Variants in ADGRB3 observed in about 807,000 individuals in gnomAD.
ADGRB3 encodes adhesion G protein-coupled receptor B3, also known as brain-specific angiogenesis inhibitor 3.
Under a neutral mutation model 193.4 loss-of-function variants are expected in ADGRB3, and 37 were observed. That is an observed-to-expected ratio of 0.19 (90% CI 0.15 to 0.25). The LOEUF is 0.25. Ranked by LOEUF, ADGRB3 falls within the 10% of genes least tolerant of loss-of-function variation. ADGRB3 has a pLI of 1.00. For missense variants in ADGRB3, 1,637 were observed against 1,852.9 expected, an observed-to-expected ratio of 0.88 and a Z score of 2.14; for synonymous variants, 690 against 644.2, an observed-to-expected ratio of 1.07 and a Z score of -1.08.
chr6:69,360,921 T>G lies in ADGRB3; in HGVS notation c.3648T>G (p.Leu1216=). The G allele has an allele frequency of 6.2e-7, 1 of 1,612,222 alleles. No homozygotes were observed. Among genetic ancestry groups the G allele is most frequent in the Non-Finnish European group, 8.5e-7 (1 of 1,178,836 alleles). ...PCRAATITGT[L]SRISLNDDEE... ...GAGCAGCCACAATAACAGGAACACT[T>G]TCTAGGATTTCTCTAAATGATGATG... is the stretch of plus-strand genomic sequence containing the variant. Residue 1216 remains leucine (L), a synonymous_variant, in exon 29 of 32, where the codon CTT becomes CTG. Transcript: ENST00000370598.
intron 3 of ADGRB3, among the ~76,000 whole-genome samples, chr6:68,683,095 T>C (rs1764925016): frequency 6.6e-6 from 1 of 152,044 alleles, no homozygotes; most frequent in Non-Finnish European, 1.5e-5. Flanking sequence ...AATTCAGTGT[T>C]TTCTTAAAAA....
rs569070969 is a variant in ADGRB3 at position 68,931,267 on chromosome 6, G to A, written c.868+598G>A. On this transcript the variant is annotated intron_variant, in intron 4 of 31. Transcript: ENST00000370598. ...AAACTGACTTTCTACTTTATAAAAT[G>A]TTTAATTCTAAATTAATTAGATTAC... Among the ~76,000 whole-genome samples, 441 of 151,924 alleles carry A rather than the reference G, an allele frequency of 2.9e-3. 1 individual carries two copies. Among genetic ancestry groups the A allele is most frequent in the Middle Eastern group, 7.2e-3 (2 of 276 alleles).
At chr6:69,102,806 C>T (rs900658812) in intron 17 of ADGRB3, among the ~76,000 whole-genome samples, 6 of 152,124 alleles carry the variant, frequency 3.9e-5, no homozygotes, top group Admixed American at 6.5e-5. Flanking sequence ...AAGTCACAAC[C>T]TTTTTTTGAT....
chr6:69,275,417 CTG>C (rs1418183154), intron 20 of ADGRB3, among the ~76,000 whole-genome samples: 2 of 151,986 alleles, frequency 1.3e-5, no homozygotes, highest in Non-Finnish European at 2.9e-5. Flanking sequence ...GTATTAGCAA[CTG>C]TGATTCCTCA....
At chr6:68,848,274 C>A (rs1768322992) in intron 3 of ADGRB3, among the ~76,000 whole-genome samples, 1 of 152,006 alleles carries the variant, frequency 6.6e-6, no homozygotes, top group South Asian at 2.1e-4. Flanking sequence ...TTTTATCTTG[C>A]ACTCTGGTAA....
chr6:69,156,563 A>G (rs977168025), intron 17 of ADGRB3, among the ~76,000 whole-genome samples: 1 of 152,180 alleles, frequency 6.6e-6, no homozygotes, highest in Non-Finnish European at 1.5e-5. Context: ...TCTTTAGGCC[A>G]TAGTAAGGAG....
rs529813794 is a variant in ADGRB3, at chr6:69,171,774, A to G, written c.2481-61516A>G. On this transcript the variant is annotated intron_variant, in intron 17 of 31. Transcript: ENST00000370598. ...TACAGAGTCAAAAAAAAAGCCCTTT[A>G]TTACTCCAATAAACTACAGAATCTA... 3.3e-5 allele frequency among the ~76,000 whole-genome samples: 5 copies of G among 152,294 alleles called. No homozygotes were observed. In the South Asian group the frequency reaches 1.0e-3, roughly 32 times the overall value.
At chr6:69,285,915 TA>T (rs1001574553) in intron 20 of ADGRB3, among the ~76,000 whole-genome samples, 1 of 151,952 alleles carries the variant, frequency 6.6e-6, no homozygotes, top group African/African-American at 2.4e-5. Flanking sequence ...TACCTGGCTT[TA>T]GGTAAAACAA....
At chr6:69,179,194 T>G (rs180699870) in intron 17 of ADGRB3, among the ~76,000 whole-genome samples, 1 of 152,342 alleles carries the variant, frequency 6.6e-6, no homozygotes, top group East Asian at 1.9e-4. Context: ...AAAAAAATTA[T>G]TTTCTCTATT....
chr6:68,815,428 TCAAA>T (rs1767611831), intron 3 of ADGRB3, among the ~76,000 whole-genome samples: 1 of 152,124 alleles, frequency 6.6e-6, no homozygotes, highest in Admixed American at 6.6e-5. Flanking sequence ...ATGAAAGAAG[TCAAA>T]CAGTCTTTTG....
At chr6:69,301,400 C>G (rs1460686176) in intron 20 of ADGRB3, among the ~76,000 whole-genome samples, 1 of 151,864 alleles carries the variant, frequency 6.6e-6, no homozygotes, top group African/African-American at 2.4e-5. Flanking sequence ...GTTGCTGTTG[C>G]AGTGAGCTCA....
At chr6:69,146,343 G>A (rs949716997) in intron 17 of ADGRB3, among the ~76,000 whole-genome samples, 1 of 152,226 alleles carries the variant, frequency 6.6e-6, no homozygotes, top group Non-Finnish European at 1.5e-5. Context: ...CACTGGGAAT[G>A]GGGAGAATCC....
intron 3 of ADGRB3, among the ~76,000 whole-genome samples, chr6:68,703,035 C>A (rs143608578): frequency 6.6e-6 from 1 of 151,984 alleles, no homozygotes; most frequent in African/African-American, 2.4e-5. Context: ...TAAAATGCAT[C>A]AGATATAAGA....
intron 17 of ADGRB3, among the ~76,000 whole-genome samples, chr6:69,189,235 T>C (rs1413265188): frequency 1.3e-5 from 2 of 152,220 alleles, no homozygotes; most frequent in African/African-American, 4.8e-5. Flanking sequence ...GCAGTCACAA[T>C]AGGAACTTGA....
At chr6:69,305,835 A>G (rs1417789770) in intron 20 of ADGRB3, among the ~76,000 whole-genome samples, 1 of 151,456 alleles carries the variant, frequency 6.6e-6, no homozygotes, top group Non-Finnish European at 1.5e-5. Context: ...TACATATGTT[A>G]TGCATTCATG....
At chr6:69,186,943 T>TG (rs963333544) in intron 17 of ADGRB3, among the ~76,000 whole-genome samples, 4 of 142,390 alleles carry the variant, frequency 2.8e-5, no homozygotes, top group African/African-American at 1.1e-4. Context: ...TTTTGTTTTT[T>TG]GTTTTTTTTT....
Position 68,827,949 on chromosome 6 carries a change from A to G in ADGRB3, c.758-102610A>G, listed in dbSNP as rs570730553. 5.3e-5 allele frequency among the ~76,000 whole-genome samples: 8 copies of G among 152,268 alleles called. No homozygotes were observed. In the East Asian group the frequency reaches 1.5e-3, roughly 29 times the overall value. On this transcript the variant is annotated intron_variant, in intron 3 of 31. Coordinates refer to ENST00000370598, the MANE Select transcript of ADGRB3 (RefSeq NM_001704.3). ...TTCAGGCCTTCATAGCACTTCTCACAGATCCAAGTTTCCCTTTATTTTGAG... is the reference window on the plus strand; with the variant it reads ...TTCAGGCCTTCATAGCACTTCTCACGGATCCAAGTTTCCCTTTATTTTGAG...
At position 69,012,841 on chromosome 6, in the gene ADGRB3, T is replaced by C. The variant is rs186423262; in HGVS notation, c.1930-1197T>C. On this transcript the variant is annotated intron_variant, in intron 11 of 31. Coordinates refer to ENST00000370598, the MANE Select transcript of ADGRB3 (RefSeq NM_001704.3). ...CTTCTTTGAAATTAGTGCAAATGCC[T>C]GTTTTGAGAAGCTGGATAGGGAGGA... 2.5e-3 allele frequency among the ~76,000 whole-genome samples: 379 copies of C among 152,172 alleles called. 3 individuals carry two copies. The highest frequency in any genetic ancestry group is 8.6e-3 in the African/African-American group (359 of 41,558).
chr6:69,333,821 T>C (rs1019549170), intron 24 of ADGRB3, among the ~76,000 whole-genome samples: 12 of 150,898 alleles, frequency 8.0e-5, no homozygotes, highest in African/African-American at 2.9e-4. Context: ...TCCCAGCTAC[T>C]CGGGAGGCTG....
Sources: gnomAD v4.1 joint callset for allele counts (sites outside exome capture counted in the v4.1 genomes callset) on GRCh38, gnomAD v4.1.1 for gene constraint, MANE v1.5 for transcripts, NCBI Gene and HGNC (gene_info 2026-07-23, HGNC 2026-07-21) for gene names.